Variants in CORO1C observed in about 807,000 individuals in gnomAD.
CORO1C encodes coronin-1C.
Under a neutral mutation model 51.2 loss-of-function variants are expected in CORO1C, and 14 were observed. That is an observed-to-expected ratio of 0.27 (90% CI 0.18 to 0.43). The LOEUF (loss-of-function observed/expected upper bound fraction) is 0.43. CORO1C is among the 20% of genes least tolerant of loss of function. CORO1C has a pLI of 1.00. For missense variants in CORO1C, 417 were observed against 607.8 expected (o/e 0.69, Z 3.30); for synonymous variants, 181 against 210.5 (o/e 0.86, Z 1.21).
intron 2 of CORO1C, among the ~76,000 whole-genome samples, chr12:108,700,595 A>T (rs2034835392): frequency 6.6e-6 from 1 of 152,118 alleles, no homozygotes; most frequent in African/African-American, 2.4e-5. Context: ...ACTATTGTCC[A>T]GAATTGAAAT....
chr12:108,661,473 G>A (rs946925889), intron 4 of CORO1C, among the ~76,000 whole-genome samples: 15 of 152,078 alleles, frequency 9.9e-5, no homozygotes, highest in African/African-American at 3.6e-4. Context: ...AATATCTTTC[G>A]GAAAGAAACA....
intron 1 of CORO1C, among the ~76,000 whole-genome samples, chr12:108,711,038 T>C (rs2035165009): frequency 6.6e-6 from 1 of 152,024 alleles, no homozygotes; most frequent in African/African-American, 2.4e-5. Flanking sequence ...AAGGCATGCT[T>C]CTTATAATAC....
intron 2 of CORO1C, among the ~76,000 whole-genome samples, chr12:108,696,079 G>A (rs974433310): frequency 6.6e-6 from 1 of 152,130 alleles, no homozygotes; most frequent in Non-Finnish European, 1.5e-5. Context: ...GCCCATGGGA[G>A]AGAAGAAGAG....
chr12:108,647,366 T>G lies in CORO1C; in HGVS notation c.*37A>C. 3 of 1,604,948 alleles carry G rather than the reference T, an allele frequency of 1.9e-6. No individual in the cohort carries two copies. The highest frequency in any genetic ancestry group is 2.6e-6 in the Non-Finnish European group (3 of 1,176,250). Reference sequence around the variant, plus strand: ...TAACCAGCTCCCAAGCACAAGTTCTTGCTCCCATTTTTTCTGTAGGGGTGG... The same window carrying G: ...TAACCAGCTCCCAAGCACAAGTTCTGGCTCCCATTTTTTCTGTAGGGGTGG... On this transcript the variant is annotated 3_prime_UTR_variant, in exon 11 of 11. Coordinates refer to ENST00000261401, the MANE Select transcript of CORO1C (RefSeq NM_014325.4).
chr12:108,676,153 A>G (rs2033901810), intron 3 of CORO1C, among the ~76,000 whole-genome samples: 1 of 152,198 alleles, frequency 6.6e-6, no homozygotes, highest in African/African-American at 2.4e-5. Context: ...AGGCAAGGAA[A>G]TGAGTATTAC....
chr12:108,661,610 T>G (rs2033266169), intron 4 of CORO1C, among the ~76,000 whole-genome samples: 1 of 152,192 alleles, frequency 6.6e-6, no homozygotes, highest in South Asian at 2.1e-4. Flanking sequence ...ATCAAAGTTT[T>G]CTTTAAAAGG....
chr12:108,690,978 C>G (rs1260323950), intron 2 of CORO1C, among the ~76,000 whole-genome samples: 1 of 152,160 alleles, frequency 6.6e-6, no homozygotes, highest in East Asian at 1.9e-4. Context: ...CTGAAGAGCT[C>G]CAGGGCTAAC....
intron 3 of CORO1C, among the ~76,000 whole-genome samples, chr12:108,672,278 G>A (rs1427280809): frequency 1.3e-5 from 2 of 152,216 alleles, no homozygotes; most frequent in African/African-American, 4.8e-5. Flanking sequence ...AGGGAGGAGA[G>A]ACTGCTGAAT....
chr12:108,650,539 G>C (rs1232711169), intron 8 of CORO1C, among the ~76,000 whole-genome samples: 1 of 152,146 alleles, frequency 6.6e-6, no homozygotes, highest in Non-Finnish European at 1.5e-5. Context: ...CCAATAAAAA[G>C]ACTGACTTGG....
At chr12:108,691,422 G>A (rs2136851326) in intron 2 of CORO1C, among the ~76,000 whole-genome samples, 1 of 152,320 alleles carries the variant, frequency 6.6e-6, no homozygotes, top group South Asian at 2.1e-4. Context: ...AGTAATGTGT[G>A]TTCAGATACC....
At chr12:108,680,835 A>G (rs529295652) in intron 2 of CORO1C, among the ~76,000 whole-genome samples, 1 of 152,372 alleles carries the variant, frequency 6.6e-6, no homozygotes, top group East Asian at 1.9e-4. Flanking sequence ...CATTCTCACA[A>G]AAATCATGCA....
chr12:108,717,456 TG>T (rs1273420732), intron 1 of CORO1C, among the ~76,000 whole-genome samples: 2 of 152,196 alleles, frequency 1.3e-5, no homozygotes, highest in Non-Finnish European at 2.9e-5. Context: ...TGAATGAAGC[TG>T]GAGAATGGAT....
At chr12:108,713,790 T>C (rs1436932021) in intron 1 of CORO1C, among the ~76,000 whole-genome samples, 1 of 152,254 alleles carries the variant, frequency 6.6e-6, no homozygotes, top group Non-Finnish European at 1.5e-5. Flanking sequence ...TCCCGAATCA[T>C]ATATACAATT....
intron 8 of CORO1C, among the ~76,000 whole-genome samples, chr12:108,651,173 C>G (rs866783924): frequency 5.0e-4 from 76 of 152,300 alleles, no homozygotes; most frequent in Middle Eastern, 6.8e-3. Context: ...AAATTCTCTT[C>G]CTTTTATTTG....
Position 108,731,166 on chromosome 12 carries a change from G to T in CORO1C, c.-6+263C>A, listed in dbSNP as rs1330008699. 6.5e-6 allele frequency: 1 copy of T among 153,154 alleles called. No individual in the cohort carries two copies. The highest frequency in any genetic ancestry group is 1.5e-5 in the Non-Finnish European group (1 of 68,754). The allele number at this position is 153,154 out of a possible 1,614,324, so 9.5% of individuals were successfully genotyped here. ...ACCTCGAAAGCCTCCTCCCCACAGG[G>T]ACCCTGCTTCACGCTCCCCACGCCA... On this transcript the variant is annotated intron_variant, in intron 1 of 10. Transcript: ENST00000261401. The surrounding 1 kb of genome is among the most constrained non-coding windows in gnomAD (Gnocchi z 5.2).
At chr12:108,656,177 C>T (rs1445561146) in intron 6 of CORO1C, among the ~76,000 whole-genome samples, 2 of 48,006 alleles carry the variant, frequency 4.2e-5, no homozygotes, top group African/African-American at 6.5e-5. Context: ...GGAGCCCCTC[C>T]GCCCGGCAGC....
At position 108,699,785 on chromosome 12, in the gene CORO1C, A is replaced by T. The variant is rs368824202; in HGVS notation, c.195+1339T>A. Among the ~76,000 whole-genome samples, 5 of 152,236 alleles carry T rather than the reference A, an allele frequency of 3.3e-5. No homozygotes were observed. The East Asian group carries it at 5.8e-4, about 18-fold the overall frequency. Reference sequence around the variant, plus strand: ...AAATAAAAGTATCTAAATAAAAAATAAATTTTCAACTTAATGAAAAGATTC... The same window carrying T: ...AAATAAAAGTATCTAAATAAAAAATTAATTTTCAACTTAATGAAAAGATTC... On this transcript the variant is annotated intron_variant, in intron 2 of 10. Coordinates refer to ENST00000261401, the MANE Select transcript of CORO1C (RefSeq NM_014325.4).
intron 1 of CORO1C, among the ~76,000 whole-genome samples, chr12:108,709,010 C>T (rs1257302106): frequency 1.3e-5 from 2 of 151,958 alleles, no homozygotes. Flanking sequence ...CCATCTCAGC[C>T]TTCCAAACTG....
chr12:108,652,236 A>T, intron 8 of CORO1C, 36 bp downstream of exon 8: 6 of 1,600,360 alleles, frequency 3.7e-6, no homozygotes, highest in Non-Finnish European at 5.1e-6. Context: ...ACACAGTTAC[A>T]CCAACCTAGA....
Sources: allele counts gnomAD v4.1 joint callset (sites outside exome capture counted in the v4.1 genomes callset), GRCh38; gene constraint gnomAD v4.1.1; non-coding constraint Gnocchi (gnomAD v3.1); transcripts MANE v1.5; gene names NCBI Gene and HGNC (gene_info 2026-07-23, HGNC 2026-07-21).